The following CNBD1 variants were observed in gnomAD, a reference collection of about 807,000 sequenced individuals.
The protein encoded by CNBD1 is cyclic nucleotide binding domain containing 1, also known as cyclic nucleotide-binding domain-containing protein 1.
A neutral mutation model predicts 54.4 loss-of-function variants in CNBD1; 71 were observed. The ratio of observed to expected loss-of-function variants is 1.30; its 90% CI spans 1.08 to 1.59. The LOEUF (loss-of-function observed/expected upper bound fraction) is 1.59, where lower values mean the gene tolerates loss of function less well. CNBD1 is among the 40% of genes most tolerant of loss of function. The pLI, the probability that CNBD1 is intolerant of heterozygous loss-of-function variation, is 0.00. For missense variants in CNBD1, 659 were observed against 518.0 expected, an observed-to-expected ratio of 1.27 and a Z score of -2.64; for synonymous variants, 182 against 170.7, an observed-to-expected ratio of 1.07 and a Z score of -0.51.
intron 4 of CNBD1, among the ~76,000 whole-genome samples, chr8:87,109,818 G>A (rs72665021): frequency 0.16 from 23,665 of 152,028 alleles, 2,044 homozygotes; most frequent in Non-Finnish European, 0.2. Context: ...GATTACAAGT[G>A]TGAGCCACCG....
At position 87,169,018 on chromosome 8, in the gene CNBD1, A is replaced by G. The variant is rs368481023; in HGVS notation, c.432-36975A>G. 1.4e-3 allele frequency among the ~76,000 whole-genome samples: 212 copies of G among 152,034 alleles called. 3 individuals carry two copies. In the South Asian group the frequency reaches 0.024, roughly 17 times the overall value. ...GAAAAATCTCCAAACCACTCTCCAT[A>G]GTGGTTGTACTACTTTACATTCCCA... On this transcript the variant is annotated intron_variant, in intron 4 of 10. Coordinates refer to ENST00000518476, the MANE Select transcript of CNBD1 (RefSeq NM_173538.3).
At chr8:87,159,596 T>G (rs1358708167) in intron 4 of CNBD1, among the ~76,000 whole-genome samples, 2 of 152,058 alleles carry the variant, frequency 1.3e-5, no homozygotes, top group Non-Finnish European at 1.5e-5. Context: ...TTTAAGGTAG[T>G]GATGCTGGAT....
At chr8:87,353,086 C>T (rs1454848546) in intron 9 of CNBD1, among the ~76,000 whole-genome samples, 1 of 152,194 alleles carries the variant, frequency 6.6e-6, no homozygotes, top group African/African-American at 2.4e-5. Flanking sequence ...CCCTTCTCCA[C>T]AAGGTCTCTT....
At chr8:87,267,110 A>G (rs544080257) in intron 6 of CNBD1, among the ~76,000 whole-genome samples, 3 of 152,302 alleles carry the variant, frequency 2.0e-5, no homozygotes, top group African/African-American at 7.2e-5. Flanking sequence ...ATCATACACA[A>G]ATGGCAAAGG....
At chr8:86,867,327 G>A (rs1260224622) in intron 1 of CNBD1, among the ~76,000 whole-genome samples, 1 of 152,106 alleles carries the variant, frequency 6.6e-6, no homozygotes, top group Non-Finnish European at 1.5e-5. Context: ...GGTAATACTT[G>A]TGATCCTTTT....
intron 2 of CNBD1, among the ~76,000 whole-genome samples, chr8:87,403,903 C>G (rs1807608357): frequency 6.6e-6 from 1 of 152,020 alleles, no homozygotes; most frequent in African/African-American, 2.4e-5. Flanking sequence ...GAAAGCCACT[C>G]TCCCCCATGA....
intron 4 of CNBD1, among the ~76,000 whole-genome samples, chr8:87,133,480 A>G (rs377180409): frequency 6.6e-6 from 1 of 152,318 alleles, no homozygotes; most frequent in East Asian, 1.9e-4. Flanking sequence ...TTGAGCTGCT[A>G]CAATAAATTA....
chr8:86,917,624 C>T (rs534439443), intron 3 of CNBD1, among the ~76,000 whole-genome samples: 121 of 152,226 alleles, frequency 7.9e-4, no homozygotes, highest in African/African-American at 2.4e-3. Context: ...AATCTGATGA[C>T]GTGAGGAGAA....
At chr8:87,106,645 C>T (rs564035458) in intron 4 of CNBD1, among the ~76,000 whole-genome samples, 1 of 152,234 alleles carries the variant, frequency 6.6e-6, no homozygotes, top group South Asian at 2.1e-4. Context: ...CTTCTCTACC[C>T]TTTTTTGGTT....
chr8:86,893,898 C>G (rs180862805), intron 2 of CNBD1, among the ~76,000 whole-genome samples: 1 of 151,954 alleles, frequency 6.6e-6, no homozygotes, highest in African/African-American at 2.4e-5. Flanking sequence ...ATCTACTACT[C>G]CACTCTAGCT....
chr8:86,897,957 C>T (rs981127823), intron 2 of CNBD1, among the ~76,000 whole-genome samples: 1 of 151,912 alleles, frequency 6.6e-6, no homozygotes, highest in Non-Finnish European at 1.5e-5. Flanking sequence ...AAAAATGAAA[C>T]AACTTTAGTG....
intron 8 of CNBD1, among the ~76,000 whole-genome samples, chr8:87,310,248 A>G (rs987356930): frequency 2.0e-5 from 3 of 152,022 alleles, no homozygotes; most frequent in African/African-American, 7.2e-5. Flanking sequence ...CCCAGCACTC[A>G]GGAAGCTGAG....
intron 5 of CNBD1, among the ~76,000 whole-genome samples, chr8:87,221,999 T>C (rs1245734401): frequency 6.6e-6 from 1 of 152,106 alleles, no homozygotes; most frequent in Non-Finnish European, 1.5e-5. Context: ...CCAAAGATTC[T>C]TTAATATAAT....
At chr8:87,422,424 T>C (rs1362304575) in intron 2 of CNBD1, among the ~76,000 whole-genome samples, 1 of 149,980 alleles carries the variant, frequency 6.7e-6, no homozygotes, top group Non-Finnish European at 1.5e-5. Flanking sequence ...GTTTAAGTCT[T>C]TAATCCATCT....
chr8:86,984,064 C>A (rs1038318157), intron 4 of CNBD1, among the ~76,000 whole-genome samples: 1 of 152,132 alleles, frequency 6.6e-6, no homozygotes, highest in Admixed American at 6.5e-5. Context: ...TGGGCTGGGC[C>A]CAGGGTCCCT....
chr8:87,098,206 C>G (rs1811356828), intron 4 of CNBD1, among the ~76,000 whole-genome samples: 4 of 152,134 alleles, frequency 2.6e-5, no homozygotes, highest in Admixed American at 2.0e-4. Context: ...TACTGGCTGT[C>G]TAGGCACAAG....
chr8:87,329,385 G>A (rs556375356), intron 8 of CNBD1, among the ~76,000 whole-genome samples: 1 of 152,040 alleles, frequency 6.6e-6, no homozygotes, highest in Admixed American at 6.5e-5. Context: ...GGCTATTCTG[G>A]GTCTTTTGCC....
At chr8:87,046,630 C>A (rs1160210262) in intron 4 of CNBD1, among the ~76,000 whole-genome samples, 1 of 152,142 alleles carries the variant, frequency 6.6e-6, no homozygotes, top group Non-Finnish European at 1.5e-5. Context: ...TGCAGCTAGT[C>A]TTTGCATCCG....
chr8:87,428,100 G>A (rs933498666), intron 2 of CNBD1, among the ~76,000 whole-genome samples: 5 of 149,302 alleles, frequency 3.3e-5, no homozygotes, highest in African/African-American at 5.0e-5. Flanking sequence ...TGGGTAACAT[G>A]CCTATATCTT....
Sources: gnomAD v4.1 joint callset for allele counts (sites outside exome capture counted in the v4.1 genomes callset) on GRCh38, gnomAD v4.1.1 for gene constraint, MANE v1.5 for transcripts, NCBI Gene and HGNC (gene_info 2026-07-23, HGNC 2026-07-21) for gene names.